Variants in MMD2 observed in about 807,000 individuals in gnomAD.
The protein encoded by MMD2 is monocyte to macrophage differentiation factor 2.
A neutral mutation model predicts 33.5 loss-of-function variants in MMD2; 30 were observed. The ratio of observed to expected loss-of-function variants is 0.90; its 90% CI spans 0.67 to 1.22. The LOEUF is 1.22. Ranked by LOEUF, MMD2 falls within the 50% of genes most tolerant of loss-of-function variation. The pLI is 0.00. For missense variants in MMD2, 364 were observed against 325.4 expected (o/e 1.12, Z -0.91); for synonymous variants, 129 against 123.0 (o/e 1.05, Z -0.32).
intron 1 of MMD2, among the ~76,000 whole-genome samples, chr7:4,950,614 G>A (rs935183822): frequency 2.6e-4 from 39 of 152,098 alleles, no homozygotes; most frequent in African/African-American, 8.4e-4. Context: ...GTCCCCTTGG[G>A]GCTGATTTCA....
chr7:4,900,626 C>T, the MMD2 span, among the ~76,000 whole-genome samples: 3 of 152,074 alleles, frequency 2.0e-5, no homozygotes, highest in Non-Finnish European at 2.9e-5. Context: ...GACTCCTCAC[C>T]TCCCACCCCA....
intron 3 of MMD2, among the ~76,000 whole-genome samples, chr7:4,917,692 CA>C (rs1474606145): frequency 6.5e-5 from 9 of 138,518 alleles, no homozygotes; most frequent in Non-Finnish European, 4.7e-5. Context: ...AACTCTGTCT[CA>C]AAAAAAAAAT....
intron 1 of MMD2, among the ~76,000 whole-genome samples, chr7:4,955,859 C>T (rs1028124569): frequency 6.6e-6 from 1 of 152,150 alleles, no homozygotes; most frequent in South Asian, 2.1e-4. Flanking sequence ...TCGAGACCAG[C>T]CTGGCCAATA....
the MMD2 span, among the ~76,000 whole-genome samples, chr7:4,892,405 T>A: frequency 6.6e-6 from 1 of 151,958 alleles, no homozygotes; most frequent in Non-Finnish European, 1.5e-5. Flanking sequence ...ATCGCCTACA[T>A]GGTGAAACTC....
At chr7:4,928,849 C>T (rs1048066138) in intron 1 of MMD2, among the ~76,000 whole-genome samples, 3 of 151,552 alleles carry the variant, frequency 2.0e-5, no homozygotes, top group African/African-American at 7.3e-5. Context: ...TTATTAAGCA[C>T]CTTTTGTGTG....
intron 2 of MMD2, among the ~76,000 whole-genome samples, chr7:4,920,773 A>G (rs1785262702): frequency 7.5e-6 from 1 of 132,946 alleles, no homozygotes; most frequent in African/African-American, 2.9e-5. Context: ...GCTGGAGTGC[A>G]GTGGTGCAAT....
intron 2 of MMD2, among the ~76,000 whole-genome samples, chr7:4,923,852 C>G (rs1300218697): frequency 6.6e-6 from 1 of 152,074 alleles, no homozygotes; most frequent in Non-Finnish European, 1.5e-5. Flanking sequence ...AAAATGCAAA[C>G]TTAGAACCCA....
downstream of MMD2, among the ~76,000 whole-genome samples, chr7:4,904,571 T>G (rs1784836654): frequency 6.6e-6 from 1 of 152,188 alleles, no homozygotes; most frequent in Non-Finnish European, 1.5e-5. Context: ...CTGACACCCC[T>G]GAAATCATGT....
In MMD2 at chr7:4,948,790, G is replaced by GT. The variant is rs528865334; in HGVS notation, c.47+10180dup. On this transcript the variant is annotated intron_variant, in intron 1 of 6. Coordinates refer to ENST00000401401, the MANE Select transcript of MMD2 (RefSeq NM_198403.4). ...AGAATTGTAGGAAATACATTTTTGT[G>GT]TTTTTTTCTTTCCAAAATTCTTTTT... 7.2e-4 allele frequency among the ~76,000 whole-genome samples: 109 copies of GT among 152,194 alleles called. 1 individual carries two copies. The South Asian group carries it at 0.015, about 21-fold the overall frequency.
rs114206278 is a variant in MMD2, at chr7:4,907,651, C to G, written c.538-52G>C. On this transcript the variant is annotated intron_variant, in intron 6 of 6. Transcript: ENST00000401401. The stretch of plus-strand genomic sequence containing the variant: ...CAGGTCAGAGGGGCAGTCAGTGTGG[C>G]TGAAAGCACCAGCCAGTCCCCACCA... 8.6e-4 allele frequency: 1,356 copies of G among 1,584,774 alleles called. 15 individuals are homozygous for G. The African/African-American group carries it at 0.016, about 18-fold the overall frequency.
At chr7:4,895,204 A>C in the MMD2 span, among the ~76,000 whole-genome samples, 1 of 151,796 alleles carries the variant, frequency 6.6e-6, no homozygotes. Flanking sequence ...AGCCTCTTGA[A>C]TAGCTGGGAT....
chr7:4,935,102 C>G (rs1424451130), intron 1 of MMD2, among the ~76,000 whole-genome samples: 3 of 152,056 alleles, frequency 2.0e-5, no homozygotes, highest in African/African-American at 7.2e-5. Context: ...AGGAGAATCT[C>G]TTGAACCCGG....
chr7:4,903,347 C>G (rs565873704), downstream of MMD2, among the ~76,000 whole-genome samples: 1 of 152,002 alleles, frequency 6.6e-6, no homozygotes, highest in Non-Finnish European at 1.5e-5. Context: ...CCCCTGCCCA[C>G]GACCAAAGTG....
intron 1 of MMD2, among the ~76,000 whole-genome samples, chr7:4,934,061 C>G (rs972625174): frequency 2.6e-5 from 4 of 152,080 alleles, no homozygotes; most frequent in African/African-American, 9.6e-5. Context: ...TCCCAAGTAG[C>G]TGGGATTACA....
At chr7:4,937,169 G>A (rs1236765023) in intron 1 of MMD2, among the ~76,000 whole-genome samples, 2 of 151,416 alleles carry the variant, frequency 1.3e-5, no homozygotes, top group Non-Finnish European at 2.9e-5. Flanking sequence ...GGCTGAGGCG[G>A]GTGGATCACC....
intron 3 of MMD2, among the ~76,000 whole-genome samples, chr7:4,918,483 C>CT (rs60393757): frequency 0.026 from 3,363 of 130,960 alleles, 94 homozygotes; most frequent in African/African-American, 0.06. Flanking sequence ...TTCTTTCTTT[C>CT]TTTTTTTTTT....
At chr7:4,916,469 G>T (rs1389453776) in intron 3 of MMD2, among the ~76,000 whole-genome samples, 1 of 138,212 alleles carries the variant, frequency 7.2e-6, no homozygotes, top group Non-Finnish European at 1.5e-5. Flanking sequence ...TGCAACCTCC[G>T]CTTCCCGGAT....
downstream of MMD2, among the ~76,000 whole-genome samples, chr7:4,903,762 C>T (rs562766113): frequency 4.3e-4 from 66 of 152,230 alleles, no homozygotes; most frequent in Non-Finnish European, 7.2e-4. Context: ...GCCCACTGAG[C>T]GCAGGTGCAG....
chr7:4,958,913 C>A (rs1786462342), intron 1 of MMD2, 58 bp downstream of exon 1: 4 of 1,270,408 alleles, frequency 3.1e-6, no homozygotes, highest in Non-Finnish European at 3.0e-6. Context: ...GCCTCCGCGG[C>A]CCCCGCCGCC....
Sources: allele counts gnomAD v4.1 joint callset (sites outside exome capture counted in the v4.1 genomes callset), GRCh38; gene constraint gnomAD v4.1.1; transcripts MANE v1.5; gene names NCBI Gene and HGNC (gene_info 2026-07-23, HGNC 2026-07-21).